ATP6V1D: variants seen among roughly 807,000 people sequenced by gnomAD.
The protein encoded by ATP6V1D is ATPase H+ transporting V1 subunit D.
In ATP6V1D, 20 loss-of-function variants were observed where a neutral mutation model predicts 39.4. That is an observed-to-expected ratio of 0.51 (90% CI 0.36 to 0.74). The LOEUF is 0.74. ATP6V1D is among the 30% of genes least tolerant of loss of function. The probability of loss-of-function intolerance (pLI) is 0.00; values close to 1 mark genes in which losing one functional copy is unlikely to be tolerated. For missense variants in ATP6V1D, 228 were observed against 291.6 expected (o/e 0.78, Z 1.59); for synonymous variants, 100 against 100.5 (o/e 0.99, Z 0.03).
intron 1 of ATP6V1D, among the ~76,000 whole-genome samples, chr14:67,357,277 A>AG (rs2085691729): frequency 6.6e-6 from 1 of 152,256 alleles, no homozygotes; most frequent in Non-Finnish European, 1.5e-5. Flanking sequence ...TATGGCTTTT[A>AG]AAACTTGCTC....
chr14:67,340,601 T>C, intron 7 of ATP6V1D, 83 bp from the exon 8 acceptor site: 1 of 1,164,974 alleles, frequency 8.6e-7, no homozygotes, highest in Non-Finnish European at 1.3e-6. Context: ...ATAACAGTTA[T>C]TTTTTCCTAA....
chr14:67,344,622 T>C (rs529930611), intron 6 of ATP6V1D, among the ~76,000 whole-genome samples: 1 of 152,292 alleles, frequency 6.6e-6, no homozygotes, highest in East Asian at 1.9e-4. Context: ...CTCACACTTA[T>C]AATTCCAGCA....
intron 1 of ATP6V1D, among the ~76,000 whole-genome samples, chr14:67,354,947 G>A (rs2085676031): frequency 6.6e-6 from 1 of 152,078 alleles, no homozygotes; most frequent in African/African-American, 2.4e-5. Context: ...CCGAGTAGCT[G>A]GGATTACAGG....
intron 5 of ATP6V1D, among the ~76,000 whole-genome samples, chr14:67,346,917 C>T (rs1359819744): frequency 6.6e-6 from 1 of 152,224 alleles, no homozygotes; most frequent in Non-Finnish European, 1.5e-5. Context: ...AGTGATTCTA[C>T]ATTGATATAT....
At chr14:67,341,567 G>A (rs546916534) in intron 7 of ATP6V1D, among the ~76,000 whole-genome samples, 8 of 150,376 alleles carry the variant, frequency 5.3e-5, no homozygotes, top group Non-Finnish European at 1.2e-4. Context: ...GAGGTGGGGG[G>A]GTCAGCCCCC....
chr14:67,341,463 T>TG (rs1193542082), intron 7 of ATP6V1D, among the ~76,000 whole-genome samples: 6 of 147,630 alleles, frequency 4.1e-5, no homozygotes, highest in South Asian at 4.3e-4. Context: ...GGAGGGAGGT[T>TG]GGGGGGTCAG....
rs1310597142 is a variant in ATP6V1D at position 67,343,396 on chromosome 14, TGTTG to T, written c.495_498del (p.Asn166GlyfsTer3). On this transcript the variant is annotated frameshift_variant, in exon 7 of 9. Coordinates refer to ENST00000216442, the MANE Select transcript of ATP6V1D (RefSeq NM_015994.4). LOFTEE classifies it high-confidence loss of function. ...CCATGTTCAATGGCATTTACACGCCTGTTGGTTATCTTAATAGCTTCATCCAAAG... is the reference window on the plus strand; with the variant it reads ...CCATGTTCAATGGCATTTACACGCCTGTTATCTTAATAGCTTCATCCAAAG... The T allele has an allele frequency of 6.2e-7, 1 of 1,612,524 alleles. No individual in the cohort carries two copies. The highest frequency in any genetic ancestry group is 8.5e-7 in the Non-Finnish European group (1 of 1,178,658).
chr14:67,340,681 C>T lies in ATP6V1D; in HGVS notation c.524-163G>A, dbSNP rs117396002. On this transcript the variant is annotated intron_variant, in intron 7 of 8. Coordinates refer to ENST00000216442, the MANE Select transcript of ATP6V1D (RefSeq NM_015994.4). ...AAACACAAAGAAGCTCTTCCTCTCC[C>T]CCTCCCCCTCTCCCTCTCCCCACGG... Among the ~76,000 whole-genome samples the T allele has an allele frequency of 4.0e-3, 607 of 152,272 alleles. 18 individuals are homozygous for T. In the East Asian group the frequency reaches 0.059, roughly 15 times the overall value.
chr14:67,354,857 A>C (rs1470656463), intron 1 of ATP6V1D, among the ~76,000 whole-genome samples: 2 of 152,356 alleles, frequency 1.3e-5, no homozygotes, highest in East Asian at 1.9e-4. Context: ...CTTGTTGCCC[A>C]GGCTAGAGTG....
chr14:67,353,099 A>C (rs527576420), intron 1 of ATP6V1D, 59 bp from the exon 2 acceptor site: 12 of 1,291,428 alleles, frequency 9.3e-6, no homozygotes, highest in African/African-American at 1.5e-5. Flanking sequence ...GACAAAAAAA[A>C]CCCTCCCCAC....
intron 6 of ATP6V1D, among the ~76,000 whole-genome samples, chr14:67,344,461 G>T (rs1019672478): frequency 6.6e-6 from 1 of 152,038 alleles, no homozygotes; most frequent in Non-Finnish European, 1.5e-5. Flanking sequence ...AAAGAATCAA[G>T]CATTAATAAC....
At chr14:67,348,007 G>A (rs2085632076) in intron 4 of ATP6V1D, among the ~76,000 whole-genome samples, 1 of 151,850 alleles carries the variant, frequency 6.6e-6, no homozygotes, top group Non-Finnish European at 1.5e-5. Context: ...CCGCCTCCTG[G>A]GGTCAAGTGA....
At chr14:67,347,497 T>TCA in intron 4 of ATP6V1D, 44 bp from the exon 5 acceptor site, 1 of 1,333,614 alleles carries the variant, frequency 7.5e-7, no homozygotes, top group Non-Finnish European at 9.9e-7. Context: ...ACCTTTAAGT[T>TCA]CTCTCTTTTT....
chr14:67,346,472 C>T (rs2085620390), intron 5 of ATP6V1D, among the ~76,000 whole-genome samples: 1 of 152,152 alleles, frequency 6.6e-6, no homozygotes. Flanking sequence ...CCACCAGGCC[C>T]AGCTAATTTT....
chr14:67,343,485 C>T (rs1233037771), intron 6 of ATP6V1D, 47 bp from the exon 7 acceptor site: 1 of 1,324,452 alleles, frequency 7.6e-7, no homozygotes, highest in Non-Finnish European at 1.1e-6. Flanking sequence ...TCTTCCTAAT[C>T]ATTCCCTGAT....
chr14:67,345,709 C>G, intron 6 of ATP6V1D, 59 bp downstream of exon 6: 1 of 1,168,236 alleles, frequency 8.6e-7, no homozygotes, highest in Non-Finnish European at 1.3e-6. Context: ...ACCTGACTCT[C>G]CTCCACTTGA....
rs1226224014 is a variant in ATP6V1D at position 67,350,631 on chromosome 14, C to T, written c.219G>A (p.Lys73=). The part of the protein sequence containing the change: ...REAAFSLAEA[K]FTAGDFSTTV... ...CTTACCTGAAGTCACCTGCTGTGAACTTGGCTTCAGCTAGTGAAAAGGCAG... is the reference window on the plus strand; with the variant it reads ...CTTACCTGAAGTCACCTGCTGTGAATTTGGCTTCAGCTAGTGAAAAGGCAG... Residue 73 remains lysine (K), a synonymous_variant, in exon 3 of 9, where the codon AAG becomes AAA. Coordinates refer to ENST00000216442, the MANE Select transcript of ATP6V1D (RefSeq NM_015994.4). 6.2e-7 allele frequency: 1 copy of T among 1,613,762 alleles called. No homozygotes were observed. Among genetic ancestry groups the T allele is most frequent in the Admixed American group, 1.7e-5 (1 of 59,964 alleles).
chr14:67,343,807 T>A (rs754264296), intron 6 of ATP6V1D, among the ~76,000 whole-genome samples: 1 of 152,218 alleles, frequency 6.6e-6, no homozygotes. Flanking sequence ...AGTGAGCTAT[T>A]ACTGTGCCAC....
At chr14:67,349,184 T>G in intron 3 of ATP6V1D, 80 bp from the exon 4 acceptor site, 1 of 1,319,002 alleles carries the variant, frequency 7.6e-7, no homozygotes, top group Non-Finnish European at 1.1e-6. Context: ...GTTTTAACAT[T>G]AAATGAGACC....
Sources: allele counts gnomAD v4.1 joint callset (sites outside exome capture counted in the v4.1 genomes callset), GRCh38; gene constraint gnomAD v4.1.1; transcripts MANE v1.5; gene names NCBI Gene and HGNC (gene_info 2026-07-23, HGNC 2026-07-21).